PCDHGA5: variants seen among roughly 807,000 people sequenced by gnomAD.
PCDHGA5 encodes the protein protocadherin gamma-A5.
Under a neutral mutation model 56.7 loss-of-function variants are expected in PCDHGA5, and 36 were observed. The ratio of observed to expected loss-of-function variants is 0.64; its 90% CI spans 0.49 to 0.84. PCDHGA5 has a LOEUF of 0.84. Among genes scored for constraint, PCDHGA5 ranks in the 40% least tolerant of loss-of-function variants. The pLI, the probability that PCDHGA5 is intolerant of heterozygous loss-of-function variation, is 0.00. For missense variants in PCDHGA5, 1,305 were observed against 1,201.5 expected, an observed-to-expected ratio of 1.09 and a Z score of -1.27; for synonymous variants, 563 against 520.2, an observed-to-expected ratio of 1.08 and a Z score of -1.12.
intron 1 of PCDHGA5, among the ~76,000 whole-genome samples, chr5:141,463,642 G>A (rs573143516): frequency 6.6e-6 from 1 of 151,750 alleles, no homozygotes; most frequent in South Asian, 2.1e-4. Context: ...TAGTAGAGAC[G>A]GGGTTTCACC....
intron 1 of PCDHGA5, chr5:141,413,757 G>C (rs2095674818): frequency 1.2e-6 from 2 of 1,612,920 alleles, no homozygotes; most frequent in African/African-American, 2.7e-5. Flanking sequence ...ATGGCGTCAA[G>C]TACCCGGAGC....
chr5:141,415,423 G>T (rs2154545734), intron 1 of PCDHGA5: 1 of 1,614,204 alleles, frequency 6.2e-7, no homozygotes, highest in Non-Finnish European at 8.5e-7. Context: ...CGTGGACGGG[G>T]TTCGGGCTTT....
At chr5:141,443,845 A>C (rs923351698) in intron 1 of PCDHGA5, among the ~76,000 whole-genome samples, 19 of 152,224 alleles carry the variant, frequency 1.2e-4, no homozygotes, top group Admixed American at 5.9e-4. Context: ...GGTAATATGG[A>C]AAGTCTGAAA....
chr5:141,488,634 G>A (rs937680420), intron 1 of PCDHGA5, among the ~76,000 whole-genome samples: 4 of 152,150 alleles, frequency 2.6e-5, no homozygotes, highest in Non-Finnish European at 4.4e-5. Context: ...CACCTTAGCA[G>A]CATTCAGCAG....
chr5:141,442,725 G>A (rs1381140725), intron 1 of PCDHGA5, among the ~76,000 whole-genome samples: 1 of 152,198 alleles, frequency 6.6e-6, no homozygotes, highest in Admixed American at 6.5e-5. Flanking sequence ...AGCATTTGGG[G>A]CCTGTAGGTA....
chr5:141,374,565 A>C, intron 1 of PCDHGA5: 1 of 1,613,688 alleles, frequency 6.2e-7, no homozygotes, highest in Non-Finnish European at 8.5e-7. Context: ...TATGACCCTG[A>C]TGTGGGAATG....
rs182936964 is a variant in PCDHGA5, at chr5:141,502,069, T to C, written c.2481-3324T>C. 1.1e-3 allele frequency among the ~76,000 whole-genome samples: 175 copies of C among 152,186 alleles called. 1 individual carries two copies. Among genetic ancestry groups the C allele is most frequent in the African/African-American group, 3.9e-3 (162 of 41,524 alleles). ...CCCTACTTTATTCCCATTAGCCCCC[T>C]TCACCTGGGGCTGAGAACACCTGGC... On this transcript the variant is annotated intron_variant, in intron 2 of 3. Coordinates refer to ENST00000518069, the MANE Select transcript of PCDHGA5 (RefSeq NM_018918.3).
chr5:141,413,024 C>G, intron 1 of PCDHGA5: 1 of 736,254 alleles, frequency 1.4e-6, no homozygotes, highest in Non-Finnish European at 2.1e-6. Context: ...ACAAGCCCCA[C>G]AAACCGGCTG....
At chr5:141,500,222 T>TGA (rs1355843194) in intron 2 of PCDHGA5, among the ~76,000 whole-genome samples, 1 of 146,758 alleles carries the variant, frequency 6.8e-6, no homozygotes, top group Non-Finnish European at 1.5e-5. Flanking sequence ...ATTTATTTAT[T>TGA]TATTGATACG....
intron 1 of PCDHGA5, chr5:141,372,308 C>T (rs1343054904): frequency 1.2e-6 from 2 of 1,613,474 alleles, no homozygotes; most frequent in South Asian, 2.2e-5. Flanking sequence ...GGGAGGCCGC[C>T]CGCCAGCGCC....
chr5:141,371,361 G>C, intron 1 of PCDHGA5: 1 of 1,613,976 alleles, frequency 6.2e-7, no homozygotes, highest in Non-Finnish European at 8.5e-7. Context: ...GGAAGCAAAG[G>C]ATGGTGGACA....
intron 1 of PCDHGA5, chr5:141,376,018 C>T (rs761668305): frequency 9.9e-6 from 16 of 1,613,312 alleles, no homozygotes; most frequent in Admixed American, 5.0e-5. Flanking sequence ...TAGTGGTGGC[C>T]GTCCAGGACC....
chr5:141,378,083 A>G (rs1774605949), intron 1 of PCDHGA5: 2 of 152,174 alleles, frequency 1.3e-5, no homozygotes, highest in South Asian at 4.1e-4. Context: ...TAATTTTATA[A>G]CTTTTTTTCA....
intron 1 of PCDHGA5, chr5:141,376,316 G>C: frequency 6.2e-7 from 1 of 1,614,224 alleles, no homozygotes; most frequent in South Asian, 1.1e-5. Flanking sequence ...GGGCGTGGAA[G>C]GGGTTCGGGC....
chr5:141,497,689 A>G (rs951295378), intron 2 of PCDHGA5, among the ~76,000 whole-genome samples: 1 of 151,958 alleles, frequency 6.6e-6, no homozygotes, highest in African/African-American at 2.4e-5. Flanking sequence ...GCAGGTGTGC[A>G]CCACCACACC....
intron 1 of PCDHGA5, chr5:141,423,454 G>C (rs1323921797): frequency 1.9e-6 from 3 of 1,614,030 alleles, no homozygotes; most frequent in Non-Finnish European, 2.5e-6. Context: ...ACATTTTGTA[G>C]GCGTGGACGG....
At chr5:141,381,443 C>T (rs1777196570) in intron 1 of PCDHGA5, among the ~76,000 whole-genome samples, 1 of 152,224 alleles carries the variant, frequency 6.6e-6, no homozygotes, top group Admixed American at 6.5e-5. Flanking sequence ...CCTGTCAGGA[C>T]AGTCCTGCAT....
At chr5:141,461,388 A>T (rs1025976806) in intron 1 of PCDHGA5, among the ~76,000 whole-genome samples, 5 of 152,164 alleles carry the variant, frequency 3.3e-5, no homozygotes, top group Admixed American at 6.5e-5. Context: ...CCTGATGATT[A>T]GCGATGTTGA....
At chr5:141,475,090 A>G (rs991061660) in intron 1 of PCDHGA5, among the ~76,000 whole-genome samples, 1 of 152,264 alleles carries the variant, frequency 6.6e-6, no homozygotes, top group African/African-American at 2.4e-5. Flanking sequence ...CAATAATTTT[A>G]TAAAGATCCT....
Sources: gnomAD v4.1 joint callset for allele counts (sites outside exome capture counted in the v4.1 genomes callset) on GRCh38, gnomAD v4.1.1 for gene constraint, MANE v1.5 for transcripts, NCBI Gene and HGNC (gene_info 2026-07-23, HGNC 2026-07-21) for gene names.